The following TMEM135 variants were observed in gnomAD, a reference collection of about 807,000 sequenced individuals.
TMEM135 encodes the protein peroxisomal membrane protein 52.
Under a neutral mutation model 60.3 loss-of-function variants are expected in TMEM135, and 30 were observed. That is an observed-to-expected ratio of 0.50 (90% CI 0.37 to 0.68). The LOEUF (loss-of-function observed/expected upper bound fraction) is 0.68. TMEM135 is among the 30% of genes least tolerant of loss of function. TMEM135 has a pLI of 0.00. For missense variants in TMEM135, 468 were observed against 548.8 expected, an observed-to-expected ratio of 0.85 and a Z score of 1.47; for synonymous variants, 190 against 186.7, an observed-to-expected ratio of 1.02 and a Z score of -0.14.
At chr11:87,107,456 A>C (rs1375740861) in intron 4 of TMEM135, among the ~76,000 whole-genome samples, 2 of 136,916 alleles carry the variant, frequency 1.5e-5, no homozygotes, top group Non-Finnish European at 1.6e-5. Flanking sequence ...GATGTTCTCC[A>C]CCCTGTGTCC....
At chr11:87,188,901 T>A (rs2135313587) in intron 5 of TMEM135, among the ~76,000 whole-genome samples, 1 of 152,314 alleles carries the variant, frequency 6.6e-6, no homozygotes, top group South Asian at 2.1e-4. Context: ...AATGCATACA[T>A]CTATATGAAC....
At chr11:87,205,827 C>T (rs546870232) in intron 5 of TMEM135, among the ~76,000 whole-genome samples, 69 of 152,274 alleles carry the variant, frequency 4.5e-4, no homozygotes, top group Middle Eastern at 3.4e-3. Flanking sequence ...TTCTCTGCCT[C>T]TCACTGTTTC....
intron 4 of TMEM135, among the ~76,000 whole-genome samples, chr11:87,117,420 G>A (rs1048442139): frequency 6.6e-6 from 1 of 152,162 alleles, no homozygotes; most frequent in African/African-American, 2.4e-5. Context: ...TTTTAAAATT[G>A]GAGTCAATTC....
intron 4 of TMEM135, among the ~76,000 whole-genome samples, chr11:87,122,826 C>G (rs1271014723): frequency 6.6e-6 from 1 of 152,182 alleles, no homozygotes; most frequent in Non-Finnish European, 1.5e-5. Context: ...CTATGCAGTA[C>G]TCATCAGTAC....
At chr11:87,145,356 A>G (rs1938385252) in intron 4 of TMEM135, among the ~76,000 whole-genome samples, 1 of 152,122 alleles carries the variant, frequency 6.6e-6, no homozygotes, top group Non-Finnish European at 1.5e-5. Flanking sequence ...TGATTTCATA[A>G]CTTAGCTATT....
At chr11:87,232,707 CAGAAATGGA>C (rs1381148190) in intron 5 of TMEM135, among the ~76,000 whole-genome samples, 11 of 151,956 alleles carry the variant, frequency 7.2e-5, no homozygotes, top group African/African-American at 2.4e-5. Context: ...AGGTCGAGGG[CAGAAATGGA>C]AATACATTAT....
At chr11:87,209,232 C>G (rs928456026) in intron 5 of TMEM135, among the ~76,000 whole-genome samples, 7 of 152,050 alleles carry the variant, frequency 4.6e-5, no homozygotes, top group African/African-American at 1.7e-4. Flanking sequence ...GGGCTGAATG[C>G]CCCACTAAAA....
intron 4 of TMEM135, chr11:87,096,346 A>G (rs529654181): frequency 1.0e-5 from 2 of 190,734 alleles, no homozygotes; most frequent in African/African-American, 4.7e-5. Flanking sequence ...CTTGGAGAGC[A>G]TAAGCTACCC....
At chr11:87,203,753 A>G (rs1255090884) in intron 5 of TMEM135, among the ~76,000 whole-genome samples, 2 of 152,146 alleles carry the variant, frequency 1.3e-5, no homozygotes, top group African/African-American at 4.8e-5. Flanking sequence ...TGTATGGTAA[A>G]AATATGTTTA....
intron 10 of TMEM135, among the ~76,000 whole-genome samples, chr11:87,309,966 T>A (rs1370225338): frequency 6.6e-6 from 1 of 152,188 alleles, no homozygotes; most frequent in Non-Finnish European, 1.5e-5. Context: ...AAATATGAAT[T>A]TTTTGGATAT....
chr11:87,073,394 T>C (rs1036484712), intron 3 of TMEM135, among the ~76,000 whole-genome samples: 1 of 152,210 alleles, frequency 6.6e-6, no homozygotes, highest in African/African-American at 2.4e-5. Flanking sequence ...TGTGGTTCTC[T>C]GTTTGATTAT....
chr11:87,076,845 A>C (rs1856883704), intron 3 of TMEM135, among the ~76,000 whole-genome samples: 1 of 152,154 alleles, frequency 6.6e-6, no homozygotes, highest in South Asian at 2.1e-4. Flanking sequence ...CAAGGCTTGG[A>C]ATGGATCCTT....
chr11:87,089,110 A>G (rs1857155033), intron 3 of TMEM135, among the ~76,000 whole-genome samples: 1 of 152,206 alleles, frequency 6.6e-6, no homozygotes. Flanking sequence ...TTAGACTTGG[A>G]TCTCATCCCC....
intron 8 of TMEM135, among the ~76,000 whole-genome samples, chr11:87,303,295 C>T (rs909070686): frequency 2.0e-5 from 3 of 152,126 alleles, no homozygotes; most frequent in Non-Finnish European, 2.9e-5. Context: ...TTCTTATGAG[C>T]ATCTAATGCC....
In TMEM135 at chr11:87,276,379, A is replaced by C. The variant is rs557327481; in HGVS notation, c.510-19403A>C. ...ACTTAACCAAAACTGGCCAATTTTT[A>C]GAACTTGAGTTGTAACTGCATCAGA... On this transcript the variant is annotated intron_variant, in intron 6 of 14. Transcript: ENST00000305494. 2.5e-3 allele frequency among the ~76,000 whole-genome samples: 377 copies of C among 152,254 alleles called. 1 individual carries two copies. Among genetic ancestry groups the C allele is most frequent in the Non-Finnish European group, 4.2e-3 (286 of 68,028 alleles).
chr11:87,113,438 T>C (rs1399318381), intron 4 of TMEM135, among the ~76,000 whole-genome samples: 5 of 152,154 alleles, frequency 3.3e-5, no homozygotes, highest in African/African-American at 1.2e-4. Flanking sequence ...TTGATGAGTT[T>C]AATAATTTAA....
chr11:87,237,500 T>C (rs1242066855), intron 6 of TMEM135, among the ~76,000 whole-genome samples: 1 of 152,000 alleles, frequency 6.6e-6, no homozygotes, highest in Non-Finnish European at 1.5e-5. Flanking sequence ...TGCGGATTTT[T>C]AGTAGGATAT....
At chr11:87,215,237 G>C (rs1417631766) in intron 5 of TMEM135, among the ~76,000 whole-genome samples, 1 of 152,098 alleles carries the variant, frequency 6.6e-6, no homozygotes, top group Non-Finnish European at 1.5e-5. Context: ...CTACCTAAGT[G>C]ATTTCCAGGT....
chr11:87,067,768 T>C lies in TMEM135; in HGVS notation c.216T>C (p.Ala72=). The C allele has an allele frequency of 6.2e-7, 1 of 1,613,992 alleles. No homozygotes were observed. The highest frequency in any genetic ancestry group is 8.5e-7 in the Non-Finnish European group (1 of 1,179,946). ...TACTCCCTGAGATCCTACAATCCGC[T>C]TCATTTCTAACTGCTAATGGGGCCT... The part of the protein sequence containing the change: ...HKLLPEILQS[A]SFLTANGALY... The change falls in exon 2 of 15, where the codon GCT becomes GCC. Residue 72 remains alanine, a synonymous_variant. Transcript: ENST00000305494.
Sources: gnomAD v4.1 joint callset for allele counts (sites outside exome capture counted in the v4.1 genomes callset) on GRCh38, gnomAD v4.1.1 for gene constraint, MANE v1.5 for transcripts, NCBI Gene and HGNC (gene_info 2026-07-23, HGNC 2026-07-21) for gene names.